The following FAM120B variants were observed in gnomAD, a reference collection of about 807,000 sequenced individuals.
FAM120B encodes the protein constitutive coactivator of peroxisome proliferator-activated receptor gamma.
A neutral mutation model predicts 96.3 loss-of-function variants in FAM120B; 83 were observed. The observed-to-expected ratio is 0.86, with a 90% confidence interval of 0.72 to 1.03. The LOEUF (loss-of-function observed/expected upper bound fraction) is 1.03, where lower values mean the gene tolerates loss of function less well. Among genes scored for constraint, FAM120B ranks in the 50% least tolerant of loss-of-function variants. The pLI is 0.00. For synonymous variants in FAM120B, 407 were observed against 402.7 expected (o/e 1.01, Z -0.13); for missense variants, 1,027 against 1,121.2 (o/e 0.92, Z 1.20).
intron 6 of FAM120B, among the ~76,000 whole-genome samples, chr6:170,380,592 C>T (rs1789844169): frequency 6.6e-6 from 1 of 152,216 alleles, no homozygotes; most frequent in Non-Finnish European, 1.5e-5. Flanking sequence ...TTGCTTCTCC[C>T]TGGTGATTAG....
upstream of FAM120B, among the ~76,000 whole-genome samples, chr6:170,306,274 C>T (rs1008415749): frequency 1.3e-5 from 2 of 152,126 alleles, no homozygotes; most frequent in African/African-American, 4.8e-5. Context: ...CGGGGAAGCG[C>T]GCGGCGGGTC....
chr6:170,294,884 TAAG>T (rs932545548), upstream of FAM120B, among the ~76,000 whole-genome samples: 24 of 152,192 alleles, frequency 1.6e-4, no homozygotes, highest in African/African-American at 5.6e-4. The surrounding 1 kb of genome is among the most constrained non-coding windows in gnomAD (Gnocchi z 7.9). Context: ...CTCTTATTCG[TAAG>T]AAGAATTAGG....
At chr6:170,309,296 T>A (rs899123472) in intron 1 of FAM120B, among the ~76,000 whole-genome samples, 1 of 149,686 alleles carries the variant, frequency 6.7e-6, no homozygotes, top group Non-Finnish European at 1.5e-5. Context: ...TTCTAAGGAA[T>A]TTTTTAGTAG....
At position 170,316,783 on chromosome 6, in the gene FAM120B, T is replaced by C. The variant is rs149491277; in HGVS notation, c.-21-587T>C. ...ATGACCACTAAGTGGTTAATGTATC[T>C]GTCACCCCCAAAAGTTTCTCCTTGG... On this transcript the variant is annotated intron_variant, in intron 1 of 10. Transcript: ENST00000476287. Among the ~76,000 whole-genome samples the C allele has an allele frequency of 4.3e-3, 662 of 152,330 alleles. 3 individuals carry two copies. Among genetic ancestry groups the C allele is most frequent in the African/African-American group, 0.015 (634 of 41,566 alleles).
At position 170,406,362 on chromosome 6, in the gene FAM120B, C is replaced by T. The variant is rs1307066063; in HGVS notation, c.*1611C>T. 6.6e-6 allele frequency: 1 copy of T among 152,184 alleles called. No individual in the cohort carries two copies. The highest frequency in any genetic ancestry group is 2.4e-5 in the African/African-American group (1 of 41,434). 9.4% of individuals were successfully genotyped at this position (152,184 alleles called of 1,614,324 possible). On this transcript the variant is annotated 3_prime_UTR_variant, in exon 11 of 11. Transcript: ENST00000476287. ...AAGACATTTCCTTCTGGTTGTTGCTCTTTAAAAACAAAATAAGCCCCTGAA... is the reference window on the plus strand; with the variant it reads ...AAGACATTTCCTTCTGGTTGTTGCTTTTTAAAAACAAAATAAGCCCCTGAA...
rs761298586 is a variant in FAM120B, at chr6:170,358,362, G to A, written c.2283+44G>A. 2.1e-5 allele frequency: 28 copies of A among 1,322,702 alleles called. No homozygotes were observed. In the African/African-American group the frequency reaches 2.5e-4, roughly 12 times the overall value. 81.9% of individuals were successfully genotyped at this position (1,322,702 alleles called of 1,614,324 possible). ...AGTTGTCACTGCCCGGAAGACAGCT[G>A]TGCAGTCCAGCCTTCTCTTTCCCAT... On this transcript the variant is annotated intron_variant, in intron 6 of 10. Coordinates refer to ENST00000476287, the MANE Select transcript of FAM120B (RefSeq NM_032448.3).
intron 9 of FAM120B, among the ~76,000 whole-genome samples, chr6:170,403,819 G>T (rs1027159117): frequency 5.3e-5 from 8 of 152,208 alleles, no homozygotes; most frequent in Non-Finnish European, 7.3e-5. Flanking sequence ...TAACAAGGGT[G>T]GGGGCAGAGT....
chr6:170,307,502 C>T (rs922536004), intron 1 of FAM120B, among the ~76,000 whole-genome samples: 1 of 152,152 alleles, frequency 6.6e-6, no homozygotes, highest in African/African-American at 2.4e-5. Flanking sequence ...TGGATTTGAG[C>T]AGAGTTTTAA....
At chr6:170,393,228 G>A (rs1047092943) in intron 8 of FAM120B, among the ~76,000 whole-genome samples, 22 of 151,864 alleles carry the variant, frequency 1.4e-4, no homozygotes, top group African/African-American at 4.6e-4. Flanking sequence ...GGTTGTCAGC[G>A]AAGCCATGAC....
At chr6:170,391,240 A>T in intron 8 of FAM120B, 119 bp downstream of exon 8, 5 of 758,326 alleles carry the variant, frequency 6.6e-6, no homozygotes, top group Non-Finnish European at 1.2e-5. Flanking sequence ...ACAGAATAGA[A>T]TTTAAATGAT....
At chr6:170,358,005 CAT>C (rs780122381) in intron 5 of FAM120B, among the ~76,000 whole-genome samples, 8 of 151,422 alleles carry the variant, frequency 5.3e-5, no homozygotes, top group African/African-American at 1.5e-4. Flanking sequence ...TGTGTGTGTA[CAT>C]GTGTGCCCAT....
intron 1 of FAM120B, among the ~76,000 whole-genome samples, chr6:170,296,218 G>C (rs901611642): frequency 6.6e-6 from 1 of 152,132 alleles, no homozygotes; most frequent in Admixed American, 6.5e-5. Context: ...GGGCTGGGGG[G>C]CCGGGTGTTG....
Position 170,406,009 on chromosome 6 carries a change from T to C in FAM120B, c.*1258T>C, listed in dbSNP as rs1778789952. 1 of 142,422 alleles carries C rather than the reference T, an allele frequency of 7.0e-6. No homozygotes were observed. The highest frequency in any genetic ancestry group is 1.6e-5 in the Non-Finnish European group (1 of 62,396). The allele number at this position is 142,422 out of a possible 1,614,324, so 8.8% of individuals were successfully genotyped here. On this transcript the variant is annotated 3_prime_UTR_variant, in exon 11 of 11. Transcript: ENST00000476287. ...TTATCTCTGAGCATTGAAGGACTTT[T>C]GGTTAAAAAAAAAAATTAAGTTCAG...
rs564146227 is a variant in FAM120B at position 170,356,066 on chromosome 6, T to C, written c.2191-2160T>C. ...GCGCAGTTCTACCTTCCCATCCCTG[T>C]GCAGGTGACTGTCAGTTCTTTAAAT... On this transcript the variant is annotated intron_variant, in intron 5 of 10. Coordinates refer to ENST00000476287, the MANE Select transcript of FAM120B (RefSeq NM_032448.3). Among the ~76,000 whole-genome samples the C allele has an allele frequency of 2.6e-5, 4 of 152,302 alleles. No individual in the cohort carries two copies. The South Asian group carries it at 8.3e-4, about 32-fold the overall frequency.
chr6:170,397,669 A>G (rs1778250081), intron 9 of FAM120B, among the ~76,000 whole-genome samples: 1 of 152,176 alleles, frequency 6.6e-6, no homozygotes, highest in Non-Finnish European at 1.5e-5. Context: ...TGTCGGAAAT[A>G]TTGGTGTTGA....
At chr6:170,314,689 A>C (rs930037873) in intron 1 of FAM120B, among the ~76,000 whole-genome samples, 9 of 152,246 alleles carry the variant, frequency 5.9e-5, no homozygotes, top group Non-Finnish European at 1.3e-4. Flanking sequence ...AAAAGAAAAA[A>C]TTTAAAGCGA....
At position 170,317,433 on chromosome 6, in the gene FAM120B, C is replaced by T. The variant is rs1784965889; in HGVS notation, c.43C>T (p.Pro15Ser). Residue 15 changes from proline to serine, a missense_variant, in exon 2 of 11, where the codon CCA becomes TCA. Around this residue, in one of 3 missense-constraint regions of FAM120B, gnomAD observed 880 missense variants for 980.9 expected, o/e 0.90. Coordinates refer to ENST00000476287, the MANE Select transcript of FAM120B (RefSeq NM_032448.3). ...GLQGFVGSTC[P>S]HICTVVNFKE... ...GCAAGGATTTGTGGGAAGTACCTGC[C>T]CACATATATGTACAGTAGTAAATTT... The T allele has an allele frequency of 6.2e-7, 1 of 1,613,260 alleles. No homozygotes were observed. Among genetic ancestry groups the T allele is most frequent in the Non-Finnish European group, 8.5e-7 (1 of 1,179,422 alleles).
At chr6:170,338,853 T>TC (rs1402521355) in intron 4 of FAM120B, among the ~76,000 whole-genome samples, 1 of 150,470 alleles carries the variant, frequency 6.6e-6, no homozygotes, top group Non-Finnish European at 1.5e-5. Flanking sequence ...GCTTTTTTTT[T>TC]TTTTTTTTTT....
At chr6:170,398,838 A>G (rs1226640146) in intron 9 of FAM120B, among the ~76,000 whole-genome samples, 2 of 151,336 alleles carry the variant, frequency 1.3e-5, no homozygotes, top group African/African-American at 4.9e-5. Context: ...AGGTAGAACT[A>G]TGTCATAACT....
Sources: allele counts gnomAD v4.1 joint callset (sites outside exome capture counted in the v4.1 genomes callset), GRCh38; gene constraint gnomAD v4.1.1; regional missense constraint gnomAD v4.1.1; non-coding constraint Gnocchi (gnomAD v3.1); transcripts MANE v1.5; gene names NCBI Gene and HGNC (gene_info 2026-07-23, HGNC 2026-07-21).